Variants in LDB3 observed in about 807,000 individuals in gnomAD.
LDB3 encodes LIM domain binding 3, also known as LIM domain-binding protein 3.
LDB3 carries 49 observed loss-of-function variants against 69.0 expected under a neutral mutation model. That is an observed-to-expected ratio of 0.71 (90% CI 0.56 to 0.90). The LOEUF is 0.90. LDB3 is among the 40% of genes least tolerant of loss of function. The pLI is 0.00. For missense variants in LDB3, 928 were observed against 974.1 expected, an observed-to-expected ratio of 0.95 and a Z score of 0.63; for synonymous variants, 387 against 396.2, an observed-to-expected ratio of 0.98 and a Z score of 0.28.
intron 4 of LDB3, 60 bp from the exon 5 acceptor site, chr10:86,681,376 G>A (rs1408430307): frequency 3.1e-6 from 5 of 1,595,732 alleles, no homozygotes; most frequent in African/African-American, 2.7e-5. Flanking sequence ...GGAGCGCTGG[G>A]ACGCGTGTGG....
rs533735797 is a variant in LDB3 at position 86,722,205 on chromosome 10, A to G, written c.1978+3358A>G. 1.1e-3 allele frequency among the ~76,000 whole-genome samples: 175 copies of G among 152,376 alleles called. 1 individual carries two copies. In the South Asian group the frequency reaches 0.012, roughly 10 times the overall value. On this transcript the variant is annotated intron_variant, in intron 12 of 13. Coordinates refer to ENST00000361373, the MANE Select transcript of LDB3 (RefSeq NM_007078.3). Reference sequence around the variant, plus strand: ...TCATATGGAATCAAATTTAAAACAGAAAAATGAATCAGTGGGCAAGACAAG... The same window carrying G: ...TCATATGGAATCAAATTTAAAACAGGAAAATGAATCAGTGGGCAAGACAAG...
At chr10:86,683,683 A>C (rs1589627760) in intron 5 of LDB3, among the ~76,000 whole-genome samples, 1 of 152,208 alleles carries the variant, frequency 6.6e-6, no homozygotes, top group East Asian at 1.9e-4. Context: ...GTAAAAGCTG[A>C]TGCTGCTGTC....
intron 7 of LDB3, among the ~76,000 whole-genome samples, chr10:86,701,217 T>C (rs762597169): frequency 1.3e-5 from 2 of 152,294 alleles, no homozygotes; most frequent in African/African-American, 4.8e-5. Flanking sequence ...CATATTTGGC[T>C]GATGTTTTAC....
At position 86,691,901 on chromosome 10, in the gene LDB3, T is replaced by G. The variant is rs748100633; in HGVS notation, c.695T>G (p.Leu232Arg). ...ASGVGLPGGS[L>R]PIKDLAVDSA... The stretch of plus-strand genomic sequence containing the variant: ...GGCCTCTCTCTGCATTACAGGAGCC[T>G]CCCTATTAAGGACCTTGCCGTAGAC... The change falls in exon 6 of 14, where the codon CTC becomes CGC. Residue 232 changes from leucine (L) to arginine (R), a missense_variant. Coordinates refer to ENST00000361373, the MANE Select transcript of LDB3 (RefSeq NM_007078.3). 6.2e-7 allele frequency: 1 copy of G among 1,614,080 alleles called. No homozygotes were observed. Among genetic ancestry groups the G allele is most frequent in the Admixed American group, 1.7e-5 (1 of 60,024 alleles).
At chr10:86,698,497 T>C (rs999621660) in intron 7 of LDB3, among the ~76,000 whole-genome samples, 1 of 152,188 alleles carries the variant, frequency 6.6e-6, no homozygotes, top group African/African-American at 2.4e-5. Context: ...AGGTGCTCTC[T>C]TCCTCCATTC....
intron 9 of LDB3, among the ~76,000 whole-genome samples, chr10:86,711,684 G>C (rs1017487455): frequency 5.3e-5 from 8 of 151,604 alleles, no homozygotes; most frequent in African/African-American, 1.9e-4. Flanking sequence ...CGGGCCGAGG[G>C]CGGCGTTCGC....
chr10:86,674,492 A>T (rs1348446250), intron 2 of LDB3, among the ~76,000 whole-genome samples: 1 of 152,140 alleles, frequency 6.6e-6, no homozygotes, highest in Admixed American at 6.5e-5. Context: ...CAGGGAGCTG[A>T]TCTTGGCCTC....
At chr10:86,680,196 G>C in intron 4 of LDB3, 39 bp downstream of exon 4, 1 of 1,580,476 alleles carries the variant, frequency 6.3e-7, no homozygotes, top group Non-Finnish European at 8.7e-7. Flanking sequence ...ACTCAGCCCT[G>C]GTTCCTGGAG....
chr10:86,681,670 C>G lies in LDB3; in HGVS notation c.556C>G (p.Leu186Val), dbSNP rs1380412014. Residue 186 changes from leucine to valine, a missense_variant, in exon 5 of 14, where the codon CTG becomes GTG. Coordinates refer to ENST00000361373, the MANE Select transcript of LDB3 (RefSeq NM_007078.3). ...GARDLLGPKA[L>V]PGSSQPRQYN... ...CCGGGACCTACTCGGCCCAAAAGCC[C>G]TGCCGGGCTCGAGCCAGCCGAGGCA... The G allele has an allele frequency of 6.2e-7, 1 of 1,613,266 alleles. No individual in the cohort carries two copies. The highest frequency in any genetic ancestry group is 8.5e-7 in the Non-Finnish European group (1 of 1,179,914).
At chr10:86,676,626 A>G (rs1157657929) in intron 2 of LDB3, among the ~76,000 whole-genome samples, 1 of 151,622 alleles carries the variant, frequency 6.6e-6, no homozygotes, top group East Asian at 1.9e-4. Flanking sequence ...TAGGGCTGAA[A>G]TGGCAGGTTC....
chr10:86,685,558 T>C, intron 5 of LDB3: 2 of 938,712 alleles, frequency 2.1e-6, no homozygotes, highest in Non-Finnish European at 3.5e-6. Flanking sequence ...CCTCACCCAT[T>C]GCGGTTTGGG....
At chr10:86,730,366 G>A (rs1052424879) in intron 13 of LDB3, among the ~76,000 whole-genome samples, 1 of 152,198 alleles carries the variant, frequency 6.6e-6, no homozygotes, top group Non-Finnish European at 1.5e-5. Context: ...GATCTTCACT[G>A]CCCTCTCCTA....
chr10:86,724,472 C>T (rs1051501056), intron 12 of LDB3, among the ~76,000 whole-genome samples: 4 of 151,398 alleles, frequency 2.6e-5, no homozygotes, highest in Admixed American at 6.6e-5. Context: ...GGTGTGGTGG[C>T]GCGTGCCTGC....
intron 9 of LDB3, among the ~76,000 whole-genome samples, chr10:86,714,522 GGAGGA>G (rs1218966908): frequency 2.0e-5 from 3 of 152,066 alleles, no homozygotes; most frequent in Non-Finnish European, 4.4e-5. Flanking sequence ...CCCCTAAAGG[GGAGGA>G]AGATTCCTTA....
intron 9 of LDB3, among the ~76,000 whole-genome samples, chr10:86,713,327 A>T (rs769406759): frequency 6.6e-6 from 1 of 151,732 alleles, no homozygotes; most frequent in Non-Finnish European, 1.5e-5. Context: ...ACTCACTGCA[A>T]CCTCCACCTC....
chr10:86,715,219 C>T (rs763110217), intron 9 of LDB3, among the ~76,000 whole-genome samples: 1 of 152,142 alleles, frequency 6.6e-6, no homozygotes, highest in Non-Finnish European at 1.5e-5. Flanking sequence ...GCAGTCCATC[C>T]TGCCCATACT....
chr10:86,686,059 C>T (rs367565276), intron 5 of LDB3, among the ~76,000 whole-genome samples: 4 of 152,250 alleles, frequency 2.6e-5, no homozygotes, highest in East Asian at 3.9e-4. Context: ...CCTGGCGACC[C>T]CTCAGAAGGG....
At chr10:86,679,844 C>T (rs1720693380) in intron 3 of LDB3, among the ~76,000 whole-genome samples, 1 of 152,222 alleles carries the variant, frequency 6.6e-6, no homozygotes, top group Admixed American at 6.5e-5. Context: ...TAGCAGGGGC[C>T]CATGGATTCT....
At chr10:86,721,769 G>C (rs1474697986) in intron 12 of LDB3, among the ~76,000 whole-genome samples, 4 of 152,204 alleles carry the variant, frequency 2.6e-5, no homozygotes, top group Non-Finnish European at 5.9e-5. Flanking sequence ...GGCACGCTGT[G>C]TTTCAACAAA....
Sources: gnomAD v4.1 joint callset for allele counts (sites outside exome capture counted in the v4.1 genomes callset) on GRCh38, gnomAD v4.1.1 for gene constraint, MANE v1.5 for transcripts, NCBI Gene and HGNC (gene_info 2026-07-23, HGNC 2026-07-21) for gene names.